Variants in TENM2 observed in about 807,000 individuals in gnomAD.
TENM2 encodes teneurin-2.
TENM2 carries 52 observed loss-of-function variants against 245.2 expected under a neutral mutation model. The observed-to-expected ratio is 0.21, with a 90% CI of 0.17 to 0.27. The LOEUF (loss-of-function observed/expected upper bound fraction) is 0.27. Ranked by LOEUF, TENM2 falls within the 10% of genes least tolerant of loss-of-function variation. The pLI is 1.00. For synonymous variants in TENM2, 1,363 were observed against 1,438.9 expected, an observed-to-expected ratio of 0.95 and a Z score of 1.19; for missense variants, 3,046 against 3,666.8, an observed-to-expected ratio of 0.83 and a Z score of 4.37.
At chr5:166,994,179 C>T in the TENM2 span, among the ~76,000 whole-genome samples, 5 of 152,140 alleles carry the variant, frequency 3.3e-5, no homozygotes, top group East Asian at 3.9e-4. Flanking sequence ...TCTGTAGCTA[C>T]GTGCAGTTGA....
chr5:167,480,578 A>G (rs572059317), intron 2 of TENM2, among the ~76,000 whole-genome samples: 1 of 152,302 alleles, frequency 6.6e-6, no homozygotes, highest in Non-Finnish European at 1.5e-5. Context: ...AGGCCTGGAA[A>G]TCTGCATTTT....
At chr5:168,129,131 T>C (rs2152368398) in intron 12 of TENM2, 1 of 152,240 alleles carries the variant, frequency 6.6e-6, no homozygotes, top group East Asian at 1.9e-4. Context: ...GAAAAAACAG[T>C]AGATGTGCTG....
chr5:168,233,099 G>A (rs553407469), intron 25 of TENM2, among the ~76,000 whole-genome samples: 18 of 152,252 alleles, frequency 1.2e-4, no homozygotes, highest in South Asian at 4.1e-4. Context: ...AGGCCGAGGC[G>A]GGTGGATCAC....
chr5:167,753,664 T>C (rs1762102297), intron 2 of TENM2, among the ~76,000 whole-genome samples: 1 of 152,204 alleles, frequency 6.6e-6, no homozygotes, highest in Admixed American at 6.5e-5. Context: ...ACACAGTTAG[T>C]AGGTGACAAA....
chr5:168,216,728 C>A, intron 21 of TENM2, 40 bp from the exon 24 acceptor site: 2 of 1,611,510 alleles, frequency 1.2e-6, no homozygotes, highest in South Asian at 1.1e-5. Flanking sequence ...CAATCCTACA[C>A]CTTTCCAAGA....
chr5:167,979,257 T>A (rs1386884694), intron 4 of TENM2, among the ~76,000 whole-genome samples: 3 of 152,126 alleles, frequency 2.0e-5, no homozygotes, highest in African/African-American at 7.2e-5. Context: ...TGGAGGGGGA[T>A]CAACATAGGA....
intron 3 of TENM2, among the ~76,000 whole-genome samples, chr5:167,891,749 A>G (rs1774778378): frequency 6.6e-6 from 1 of 152,116 alleles, no homozygotes; most frequent in Non-Finnish European, 1.5e-5. Context: ...CCACCATGTC[A>G]CAGGTGCTGG....
chr5:167,384,388 C>CAGAGT (rs1465420792), intron 2 of TENM2, among the ~76,000 whole-genome samples: 7 of 151,990 alleles, frequency 4.6e-5, no homozygotes, highest in Non-Finnish European at 1.5e-5. Flanking sequence ...GAAGAAAAGC[C>CAGAGT]AGAGTGTATG....
chr5:167,852,419 C>G (rs1248187438), intron 2 of TENM2, among the ~76,000 whole-genome samples: 1 of 152,174 alleles, frequency 6.6e-6, no homozygotes, highest in Non-Finnish European at 1.5e-5. Context: ...ATGGTTATAT[C>G]TCCTCATTAT....
rs1766073942 is a variant in TENM2, at chr5:167,805,283, G to A, written c.503-70703G>A. Among the ~76,000 whole-genome samples the A allele has an allele frequency of 1.3e-5, 2 of 152,052 alleles. 1 individual carries two copies. Among genetic ancestry groups the A allele is most frequent in the South Asian group, 4.2e-4 (2 of 4,818 alleles). ...AGCTGTCCCTATGGTTCTCAAAGTTGGTGAAGTACAACAATCATGGGGGAT... is the reference window on the plus strand; with the variant it reads ...AGCTGTCCCTATGGTTCTCAAAGTTAGTGAAGTACAACAATCATGGGGGAT... On this transcript the variant is annotated intron_variant, in intron 2 of 28. Coordinates refer to ENST00000518659, the Ensembl canonical transcript of TENM2.
At chr5:167,298,536 G>C (rs926474823) in intron 1 of TENM2, among the ~76,000 whole-genome samples, 1 of 152,166 alleles carries the variant, frequency 6.6e-6, no homozygotes, top group Non-Finnish European at 1.5e-5. Context: ...CCCAGGGGGC[G>C]GAGCCTGCAG....
At chr5:168,226,239 G>A in exon 24 of TENM2, 1 of 1,613,396 alleles carries the variant, frequency 6.2e-7, no homozygotes, top group South Asian at 1.1e-5. Context: ...CTCTTCAGTA[G>A]AGGCCTCCTA....
chr5:167,902,512 T>G (rs1775785566), intron 3 of TENM2, among the ~76,000 whole-genome samples: 1 of 152,080 alleles, frequency 6.6e-6, no homozygotes, highest in Admixed American at 6.5e-5. Flanking sequence ...CATAACTCAC[T>G]TCCTAACTCA....
intron 7 of TENM2, among the ~76,000 whole-genome samples, chr5:168,069,922 G>A (rs1379899454): frequency 6.6e-6 from 1 of 152,072 alleles, no homozygotes; most frequent in South Asian, 2.1e-4. Context: ...AGTTAAACAC[G>A]GAGGCAGAGA....
chr5:167,605,107 A>C (rs552026306), intron 2 of TENM2, among the ~76,000 whole-genome samples: 1 of 152,258 alleles, frequency 6.6e-6, no homozygotes, highest in African/African-American at 2.4e-5. Context: ...TGTCCAGGCC[A>C]CATCACGCAT....
chr5:167,847,977 A>G (rs1389240937), intron 2 of TENM2, among the ~76,000 whole-genome samples: 3 of 152,212 alleles, frequency 2.0e-5, no homozygotes, highest in African/African-American at 7.2e-5. Context: ...TAATTTGGAC[A>G]TATTTGGATC....
chr5:167,681,808 A>G (rs1756727182), intron 2 of TENM2, among the ~76,000 whole-genome samples: 2 of 152,234 alleles, frequency 1.3e-5, no homozygotes, highest in Admixed American at 1.3e-4. Flanking sequence ...CAAGGTAGGA[A>G]AAACATTTTT....
intron 6 of TENM2, among the ~76,000 whole-genome samples, chr5:168,058,823 C>A (rs1194660176): frequency 6.6e-6 from 1 of 152,038 alleles, no homozygotes; most frequent in Non-Finnish European, 1.5e-5. Context: ...GCAATTATTT[C>A]ATGATTATTT....
intron 2 of TENM2, among the ~76,000 whole-genome samples, chr5:167,385,211 T>C (rs74648754): frequency 0.015 from 2,311 of 152,282 alleles, 57 homozygotes; most frequent in African/African-American, 0.052. Context: ...AATAGTTTCT[T>C]GAATATTATT....
Sources: gnomAD v4.1 joint callset for allele counts (sites outside exome capture counted in the v4.1 genomes callset) on GRCh38, gnomAD v4.1.1 for gene constraint, MANE v1.5 for transcripts, NCBI Gene and HGNC (gene_info 2026-07-23, HGNC 2026-07-21) for gene names.